Variants in ERBB4 observed in about 807,000 individuals in gnomAD.
The protein encoded by ERBB4 is erb-b2 receptor tyrosine kinase 4, also known as receptor tyrosine-protein kinase erbB-4.
A neutral mutation model predicts 158.0 loss-of-function variants in ERBB4; 42 were observed. The observed-to-expected ratio is 0.27, with a 90% confidence interval of 0.21 to 0.34. ERBB4 has a LOEUF of 0.34. ERBB4 is among the 10% of genes least tolerant of loss of function. ERBB4 has a pLI of 1.00. For synonymous variants in ERBB4, 583 were observed against 558.7 expected, an observed-to-expected ratio of 1.04 and a Z score of -0.61; for missense variants, 1,333 against 1,624.1, an observed-to-expected ratio of 0.82 and a Z score of 3.08.
intron 2 of ERBB4, among the ~76,000 whole-genome samples, chr2:212,011,450 G>A (rs1371932986): frequency 2.0e-5 from 3 of 152,086 alleles, no homozygotes; most frequent in African/African-American, 7.2e-5. Context: ...TAGACTCAAT[G>A]TTTTTGGAAG....
intron 1 of ERBB4, among the ~76,000 whole-genome samples, chr2:212,163,745 TTAA>T: frequency 6.6e-6 from 1 of 152,146 alleles, no homozygotes; most frequent in East Asian, 1.9e-4. Context: ...CAGATCAGTA[TTAA>T]TGCCATATTT....
Position 211,376,332 on chromosome 2 carries a change from C to T in ERBB4, c.*7283G>A, listed in dbSNP as rs2062472990. 1 of 232,792 alleles carries T rather than the reference C, an allele frequency of 4.3e-6. No homozygotes were observed. The highest frequency in any genetic ancestry group is 2.2e-5 in the African/African-American group (1 of 45,258). 14.4% of individuals were successfully genotyped at this position (232,792 alleles called of 1,614,324 possible). ...ATTATGTTCCAAATAAAGATGTCCA[C>T]AAAAGAAAATCAAAGCAACATTATA... On this transcript the variant is annotated 3_prime_UTR_variant, in exon 28 of 28. Transcript: ENST00000342788.
chr2:211,854,662 T>C (rs1381236453), intron 3 of ERBB4, among the ~76,000 whole-genome samples: 1 of 152,166 alleles, frequency 6.6e-6, no homozygotes, highest in African/African-American at 2.4e-5. Context: ...CAAAAGACAG[T>C]ATTCCATCCA....
At chr2:212,242,186 T>C (rs2084133108) in intron 1 of ERBB4, among the ~76,000 whole-genome samples, 1 of 151,920 alleles carries the variant, frequency 6.6e-6, no homozygotes, top group South Asian at 2.1e-4. Flanking sequence ...TAGGCAATTT[T>C]TTCCAATTAT....
chr2:212,107,388 C>G (rs2079263227), intron 2 of ERBB4, among the ~76,000 whole-genome samples: 1 of 152,092 alleles, frequency 6.6e-6, no homozygotes, highest in Admixed American at 6.5e-5. Flanking sequence ...GCCCTTCATT[C>G]CTTCATTTTG....
At chr2:211,868,504 T>C (rs1026417009) in intron 3 of ERBB4, among the ~76,000 whole-genome samples, 1 of 152,178 alleles carries the variant, frequency 6.6e-6, no homozygotes, top group Non-Finnish European at 1.5e-5. Context: ...GATGGCATAG[T>C]GAAGATAAGC....
intron 20 of ERBB4, among the ~76,000 whole-genome samples, chr2:211,500,867 A>G (rs550523604): frequency 1.3e-5 from 2 of 152,146 alleles, no homozygotes; most frequent in South Asian, 2.1e-4. Context: ...CTCCTTTGGT[A>G]TAATAGGTTT....
At chr2:211,684,949 A>T (rs1177013274) in intron 12 of ERBB4, among the ~76,000 whole-genome samples, 1 of 152,212 alleles carries the variant, frequency 6.6e-6, no homozygotes, top group Non-Finnish European at 1.5e-5. Flanking sequence ...CCCTGCAATC[A>T]TTAAACTGTT....
intron 3 of ERBB4, among the ~76,000 whole-genome samples, chr2:211,943,798 A>G (rs2080573772): frequency 6.6e-6 from 1 of 152,118 alleles, no homozygotes. Flanking sequence ...GAAAGTATGT[A>G]AATAAGATCT....
At chr2:211,950,528 A>G (rs932491272) in intron 2 of ERBB4, among the ~76,000 whole-genome samples, 7 of 152,166 alleles carry the variant, frequency 4.6e-5, no homozygotes, top group African/African-American at 1.7e-4. Flanking sequence ...TTGGTTTATA[A>G]TAAAAAATAA....
intron 20 of ERBB4, among the ~76,000 whole-genome samples, chr2:211,516,331 T>G: frequency 6.6e-6 from 1 of 151,590 alleles, no homozygotes; most frequent in East Asian, 2.0e-4. Flanking sequence ...CTTCCCTTTT[T>G]TTTCTTTTTT....
chr2:211,662,038 C>CAAAAAAAAAAAAAA (rs61318918), intron 15 of ERBB4, among the ~76,000 whole-genome samples: 7 of 39,704 alleles, frequency 1.8e-4, no homozygotes, highest in Admixed American at 1.1e-3. Context: ...GACTCCGTCT[C>CAAAAAAAAAAAAAA]AAAAAAAAAA....
chr2:212,052,541 C>T (rs963486031), intron 2 of ERBB4, among the ~76,000 whole-genome samples: 7 of 152,158 alleles, frequency 4.6e-5, no homozygotes, highest in African/African-American at 1.7e-4. Flanking sequence ...TAATGACTAA[C>T]CAAATTTTAC....
chr2:211,959,970 C>T (rs1239845197), intron 2 of ERBB4, among the ~76,000 whole-genome samples: 1 of 151,860 alleles, frequency 6.6e-6, no homozygotes, highest in Non-Finnish European at 1.5e-5. Context: ...ATGGGGGTAT[C>T]GACAGCACCC....
intron 3 of ERBB4, among the ~76,000 whole-genome samples, chr2:211,832,383 A>G (rs947970681): frequency 3.9e-5 from 6 of 152,122 alleles, no homozygotes; most frequent in African/African-American, 1.4e-4. Flanking sequence ...TATTAAAACT[A>G]AAAATACATT....
intron 6 of ERBB4, among the ~76,000 whole-genome samples, chr2:211,724,803 T>C (rs2074215071): frequency 6.6e-6 from 1 of 152,206 alleles, no homozygotes; most frequent in Non-Finnish European, 1.5e-5. Flanking sequence ...AGGATGTTAT[T>C]AGATTATAAA....
At chr2:211,582,668 T>C (rs1028625871) in intron 19 of ERBB4, among the ~76,000 whole-genome samples, 2 of 152,140 alleles carry the variant, frequency 1.3e-5, no homozygotes, top group African/African-American at 4.8e-5. Context: ...AGAGTAATTA[T>C]TCATCAGATC....
chr2:211,472,337 T>C (rs923268931), intron 20 of ERBB4, among the ~76,000 whole-genome samples: 2 of 149,392 alleles, frequency 1.3e-5, no homozygotes, highest in African/African-American at 2.4e-5. Context: ...TATTTAATAA[T>C]ATTGATATGA....
At chr2:212,252,763 G>C (rs559320521) in intron 1 of ERBB4, among the ~76,000 whole-genome samples, 5 of 152,150 alleles carry the variant, frequency 3.3e-5, no homozygotes, top group African/African-American at 1.2e-4. Flanking sequence ...TAAAAAGAGA[G>C]AAGATAGCAT....
Sources: gnomAD v4.1 joint callset for allele counts (sites outside exome capture counted in the v4.1 genomes callset) on GRCh38, gnomAD v4.1.1 for gene constraint, MANE v1.5 for transcripts, NCBI Gene and HGNC (gene_info 2026-07-23, HGNC 2026-07-21) for gene names.